The following RBFOX3 variants were observed in gnomAD, a reference collection of about 807,000 sequenced individuals.
The protein encoded by RBFOX3 is RNA binding fox-1 homolog 3, also known as RNA binding protein fox-1 homolog 3.
In RBFOX3, 17 loss-of-function variants were observed where a neutral mutation model predicts 48.7. The observed-to-expected ratio is 0.35, with a 90% CI of 0.24 to 0.52. The LOEUF (loss-of-function observed/expected upper bound fraction) is 0.52, where lower values mean the gene tolerates loss of function less well. RBFOX3 is among the 20% of genes least tolerant of loss of function. The probability of loss-of-function intolerance (pLI) is 0.94; values close to 1 mark genes in which losing one functional copy is unlikely to be tolerated. For synonymous variants in RBFOX3, 212 were observed against 209.5 expected, an observed-to-expected ratio of 1.01 and a Z score of -0.10; for missense variants, 382 against 497.5, an observed-to-expected ratio of 0.77 and a Z score of 2.21.
intron 2 of RBFOX3, among the ~76,000 whole-genome samples, chr17:79,405,978 T>C (rs1011380750): frequency 6.6e-6 from 1 of 152,348 alleles, no homozygotes; most frequent in South Asian, 2.1e-4. Context: ...CCTTTCATGC[T>C]ACATCAGGGT....
intron 1 of RBFOX3, among the ~76,000 whole-genome samples, chr17:79,543,360 C>T (rs547296742): frequency 3.0e-4 from 45 of 152,236 alleles, no homozygotes; most frequent in African/African-American, 1.1e-3. Context: ...CAGATAGGGC[C>T]GCCCAGAATT....
At chr17:79,264,324 C>A (rs772770654) in intron 3 of RBFOX3, among the ~76,000 whole-genome samples, 4 of 151,842 alleles carry the variant, frequency 2.6e-5, no homozygotes, top group Non-Finnish European at 5.9e-5. Flanking sequence ...GATCCATGTG[C>A]GTCGCCCTCC....
At chr17:79,417,536 A>G (rs140569366) in intron 2 of RBFOX3, among the ~76,000 whole-genome samples, 3 of 152,260 alleles carry the variant, frequency 2.0e-5, no homozygotes, top group Admixed American at 6.5e-5. Context: ...CCCGACACCC[A>G]TAAGGATGGC....
intron 2 of RBFOX3, among the ~76,000 whole-genome samples, chr17:79,316,986 A>G (rs1350432653): frequency 6.6e-6 from 1 of 152,246 alleles, no homozygotes; most frequent in Non-Finnish European, 1.5e-5. Flanking sequence ...GCAAATGTGC[A>G]TGTGCACGCA....
Position 79,391,352 on chromosome 17 carries a change from C to G in RBFOX3, c.-174-83528G>C, listed in dbSNP as rs1386142236. On this transcript the variant is annotated intron_variant, in intron 2 of 14. Coordinates refer to ENST00000693108, the MANE Select transcript of RBFOX3 (RefSeq NM_001350451.2). The surrounding 1 kb of genome is among the most constrained non-coding windows in gnomAD (Gnocchi z 5.0). ...AAAAAGGGAGGATTTAAACCCAGCA[C>G]ACCTGGGTTCAAGCTTCAGCTCTCC... 1.3e-5 allele frequency among the ~76,000 whole-genome samples: 2 copies of G among 152,162 alleles called. No homozygotes were observed. Among genetic ancestry groups the G allele is most frequent in the Admixed American group, 1.3e-4 (2 of 15,286 alleles).
chr17:79,650,780 C>G, the RBFOX3 span, among the ~76,000 whole-genome samples: 119 of 152,254 alleles, frequency 7.8e-4, no homozygotes, highest in Non-Finnish European at 1.2e-3. Flanking sequence ...CCCATGGCCC[C>G]CGAGGGAAGA....
chr17:79,232,149 C>A (rs1254118815), intron 4 of RBFOX3, among the ~76,000 whole-genome samples: 2 of 152,282 alleles, frequency 1.3e-5, no homozygotes, highest in South Asian at 2.1e-4. Context: ...CCTGGCCCTG[C>A]CTTTGACACA....
At chr17:79,440,317 T>C (rs576681228) in intron 2 of RBFOX3, among the ~76,000 whole-genome samples, 39 of 152,256 alleles carry the variant, frequency 2.6e-4, no homozygotes, top group African/African-American at 8.2e-4. Context: ...TTTTTGAAAA[T>C]GGTGGCTTCC....
intron 1 of RBFOX3, among the ~76,000 whole-genome samples, chr17:79,556,150 C>T (rs1327108473): frequency 1.3e-5 from 2 of 152,146 alleles, no homozygotes; most frequent in Non-Finnish European, 2.9e-5. Context: ...GCAGTTTACC[C>T]AAGGTCTCAC....
chr17:79,564,672 G>A (rs2092387781), intron 1 of RBFOX3, among the ~76,000 whole-genome samples: 2 of 152,256 alleles, frequency 1.3e-5, no homozygotes, highest in Non-Finnish European at 2.9e-5. Context: ...CCAAACAGCC[G>A]ACAGTACAGG....
chr17:79,274,521 C>A (rs185107780), intron 3 of RBFOX3, among the ~76,000 whole-genome samples: 6 of 152,222 alleles, frequency 3.9e-5, no homozygotes, highest in African/African-American at 7.2e-5. Flanking sequence ...CGTATCTGGG[C>A]GGGGAGGCTG....
chr17:79,191,629 C>T (rs1029223306), intron 4 of RBFOX3, among the ~76,000 whole-genome samples: 3 of 152,182 alleles, frequency 2.0e-5, no homozygotes, highest in Non-Finnish European at 2.9e-5. Flanking sequence ...CATGGAGTGA[C>T]GAGGCGGCCG....
intron 4 of RBFOX3, among the ~76,000 whole-genome samples, chr17:79,190,718 C>T (rs1599888486): frequency 6.6e-6 from 1 of 152,184 alleles, no homozygotes; most frequent in East Asian, 1.9e-4. Flanking sequence ...AGGGTGAAGG[C>T]TTTGAAAGAG....
chr17:79,606,284 G>T (rs2093828326), intron 1 of RBFOX3, among the ~76,000 whole-genome samples: 1 of 152,210 alleles, frequency 6.6e-6, no homozygotes, highest in African/African-American at 2.4e-5. Context: ...TTTGCTTTGG[G>T]AGAAAACATA....
the RBFOX3 span, among the ~76,000 whole-genome samples, chr17:79,645,972 T>G: frequency 6.6e-6 from 1 of 152,096 alleles, no homozygotes; most frequent in Non-Finnish European, 1.5e-5. Context: ...AAAAACTGTT[T>G]CCTCTCTTTA....
chr17:79,272,505 G>A (rs371426687), intron 3 of RBFOX3, among the ~76,000 whole-genome samples: 5 of 152,192 alleles, frequency 3.3e-5, no homozygotes, highest in Non-Finnish European at 7.4e-5. Flanking sequence ...CTGCCGGCCG[G>A]CCTGGGGAGC....
chr17:79,367,532 C>T (rs144186192), intron 2 of RBFOX3, among the ~76,000 whole-genome samples: 6 of 152,052 alleles, frequency 3.9e-5, no homozygotes, highest in Admixed American at 1.3e-4. Context: ...CAGGAGAGAC[C>T]GAGACAAGAG....
Position 79,455,994 on chromosome 17 carries a change from C to T in RBFOX3, c.-175+26460G>A, listed in dbSNP as rs537936865. On this transcript the variant is annotated intron_variant, in intron 2 of 14. Coordinates refer to ENST00000693108, the MANE Select transcript of RBFOX3 (RefSeq NM_001350451.2). The stretch of plus-strand genomic sequence containing the variant: ...CCAAACCTCAAGAACTTCACACTGA[C>T]GAGGCTCCACCCCAAACCTAAGGAC... Among the ~76,000 whole-genome samples the T allele has an allele frequency of 8.2e-4, 125 of 152,068 alleles. 1 individual carries two copies. Among genetic ancestry groups the T allele is most frequent in the African/African-American group, 2.8e-3 (115 of 41,446 alleles).
chr17:79,152,239 T>C (rs1257489369), intron 4 of RBFOX3, among the ~76,000 whole-genome samples: 1 of 152,094 alleles, frequency 6.6e-6, no homozygotes, highest in Admixed American at 6.5e-5. Flanking sequence ...CCAGCTGCTC[T>C]CTAGCACCTG....
Sources: allele counts gnomAD v4.1 joint callset (sites outside exome capture counted in the v4.1 genomes callset), GRCh38; gene constraint gnomAD v4.1.1; non-coding constraint Gnocchi (gnomAD v3.1); transcripts MANE v1.5; gene names NCBI Gene and HGNC (gene_info 2026-07-23, HGNC 2026-07-21).